PYROXD1: variants seen among roughly 807,000 people sequenced by gnomAD.
PYROXD1 encodes tRNA ligase complex-associated NAD(P)H dehydrogenase PYROXD1.
Under a neutral mutation model 62.0 loss-of-function variants are expected in PYROXD1, and 42 were observed. The observed-to-expected ratio is 0.68, with a 90% CI of 0.53 to 0.88. PYROXD1 has a LOEUF of 0.88. Among genes scored for constraint, PYROXD1 ranks in the 40% least tolerant of loss-of-function variants. The pLI, the probability that PYROXD1 is intolerant of heterozygous loss-of-function variation, is 0.00. For missense variants in PYROXD1, 493 were observed against 604.8 expected, an observed-to-expected ratio of 0.82 and a Z score of 1.94; for synonymous variants, 170 against 206.4, an observed-to-expected ratio of 0.82 and a Z score of 1.51.
At chr12:21,464,346 C>G (rs892701482) in intron 10 of PYROXD1, among the ~76,000 whole-genome samples, 4 of 151,842 alleles carry the variant, frequency 2.6e-5, no homozygotes, top group African/African-American at 9.7e-5. Flanking sequence ...ATTAGCTGTT[C>G]TCTAGTTGTT....
At chr12:21,438,535 A>G (rs1278339778) in intron 1 of PYROXD1, 1 of 152,184 alleles carries the variant, frequency 6.6e-6, no homozygotes, top group African/African-American at 2.4e-5. Flanking sequence ...AAAGAATCCC[A>G]TATGTAAGTT....
chr12:21,446,277 G>C (rs1416644364), intron 3 of PYROXD1, among the ~76,000 whole-genome samples: 1 of 151,770 alleles, frequency 6.6e-6, no homozygotes, highest in Non-Finnish European at 1.5e-5. Context: ...CAAAAAATTA[G>C]CCGGGTGTGG....
chr12:21,445,789 T>C (rs1383271120), intron 3 of PYROXD1, among the ~76,000 whole-genome samples: 1 of 152,144 alleles, frequency 6.6e-6, no homozygotes, highest in East Asian at 1.9e-4. Context: ...ACTGTCAGTG[T>C]CAAAGGGAAT....
In PYROXD1 at chr12:21,469,544, C is replaced by T. The variant is rs1220219263; in HGVS notation, c.*790C>T. 2.0e-5 allele frequency: 3 copies of T among 150,654 alleles called. No individual in the cohort carries two copies. Among genetic ancestry groups the T allele is most frequent in the African/African-American group, 4.9e-5 (2 of 40,932 alleles). 9.3% of individuals were successfully genotyped at this position (150,654 alleles called of 1,614,324 possible). ...GTGAACCTCTGTCAGTATAATATTGCTTTCAAAAAGATGGTTATGTCAAAA... is the reference window on the plus strand; with the variant it reads ...GTGAACCTCTGTCAGTATAATATTGTTTTCAAAAAGATGGTTATGTCAAAA... On this transcript the variant is annotated 3_prime_UTR_variant, in exon 12 of 12. Coordinates refer to ENST00000240651, the MANE Select transcript of PYROXD1 (RefSeq NM_024854.5).
chr12:21,451,953 G>T (rs1942506884), intron 4 of PYROXD1, 128 bp from the exon 5 acceptor site: 1 of 640,446 alleles, frequency 1.6e-6, no homozygotes, highest in East Asian at 3.2e-5. Context: ...GTGGGAAAGT[G>T]AGATTCATTT....
chr12:21,445,050 T>C (rs1490135648), intron 2 of PYROXD1, among the ~76,000 whole-genome samples: 1 of 152,182 alleles, frequency 6.6e-6, no homozygotes, highest in Non-Finnish European at 1.5e-5. Flanking sequence ...AATAAGCTGT[T>C]TGGCTAAACT....
At chr12:21,445,231 C>A in intron 2 of PYROXD1, 116 bp from the exon 3 acceptor site, 1 of 1,135,392 alleles carries the variant, frequency 8.8e-7, no homozygotes, top group Non-Finnish European at 1.2e-6. Flanking sequence ...AGTTGGCTAA[C>A]TTGTTTGTTT....
At position 21,437,748 on chromosome 12, in the gene PYROXD1, T is replaced by C; in HGVS notation, c.18T>C (p.Pro6=). ...CCGGCAGCATGGAGGCAGCGCGCCCTCCCCCGACGGCAGGGAAGTTCGTGG... is the reference window on the plus strand; with the variant it reads ...CCGGCAGCATGGAGGCAGCGCGCCCCCCCCCGACGGCAGGGAAGTTCGTGG... The part of the protein sequence containing the change: MEAAR[P]PPTAGKFVVV... Residue 6 remains proline (P), a synonymous_variant, in exon 1 of 12, where the codon CCT becomes CCC. Transcript: ENST00000240651. The C allele has an allele frequency of 6.2e-7, 1 of 1,612,270 alleles. No individual in the cohort carries two copies. Among genetic ancestry groups the C allele is most frequent in the Non-Finnish European group, 8.5e-7 (1 of 1,179,454 alleles).
At chr12:21,460,104 T>C (rs544043044) in intron 7 of PYROXD1, among the ~76,000 whole-genome samples, 4 of 152,298 alleles carry the variant, frequency 2.6e-5, no homozygotes, top group African/African-American at 9.6e-5. Flanking sequence ...CCTTCGTTAC[T>C]TTGTGTGATT....
chr12:21,449,577 A>C lies in PYROXD1; in HGVS notation c.300A>C (p.Glu100Asp), dbSNP rs1942453584. The C allele has an allele frequency of 6.2e-7, 1 of 1,612,786 alleles. No homozygotes were observed. Among genetic ancestry groups the C allele is most frequent in the African/African-American group, 1.3e-5 (1 of 74,882 alleles). Residue 100 changes from glutamate (E) to aspartate (D), a missense_variant, in exon 4 of 12, where the codon GAA becomes GAC. By Grantham distance (45) the Glu-to-Asp change is conservative. This residue lies in a region of PYROXD1 where 164 missense variants were observed against 158.2 expected (regional missense o/e 1.04). Transcript: ENST00000240651. ...LKSEEHCIVT[E>D]DGNQHVYKKL... Reference sequence around the variant, plus strand: ...TGTATTTACAGTGCATTGTAACAGAAGATGGCAATCAGCACGTATATAAGA... The same window carrying C: ...TGTATTTACAGTGCATTGTAACAGACGATGGCAATCAGCACGTATATAAGA...
intron 7 of PYROXD1, among the ~76,000 whole-genome samples, chr12:21,460,637 A>G (rs1048301341): frequency 2.6e-5 from 4 of 152,052 alleles, no homozygotes; most frequent in Non-Finnish European, 5.9e-5. Flanking sequence ...AGGCCAGGCT[A>G]GTCTTGAACT....
chr12:21,438,461 C>T (rs1942235562), intron 1 of PYROXD1: 1 of 152,176 alleles, frequency 6.6e-6, no homozygotes, highest in South Asian at 2.1e-4. Flanking sequence ...TGTTAATTAT[C>T]GTAGGTGATT....
At chr12:21,452,732 C>T (rs1942523742) in intron 5 of PYROXD1, among the ~76,000 whole-genome samples, 1 of 152,050 alleles carries the variant, frequency 6.6e-6, no homozygotes, top group African/African-American at 2.4e-5. Context: ...CCTGCTGTGT[C>T]CTGCAGAAGA....
At chr12:21,464,858 C>A (rs542717839) in intron 10 of PYROXD1, among the ~76,000 whole-genome samples, 2 of 152,168 alleles carry the variant, frequency 1.3e-5, no homozygotes, top group Non-Finnish European at 2.9e-5. Flanking sequence ...TGTGATGTTC[C>A]CCTTCCTGTG....
chr12:21,466,929 A>G (rs1942804897), intron 10 of PYROXD1, among the ~76,000 whole-genome samples: 1 of 152,156 alleles, frequency 6.6e-6, no homozygotes, highest in Non-Finnish European at 1.5e-5. Flanking sequence ...CTTCATAGAA[A>G]TAAAATAAAA....
chr12:21,457,206 A>C, intron 7 of PYROXD1: 1 of 211,558 alleles, frequency 4.7e-6, no homozygotes, highest in Non-Finnish European at 9.7e-6. Context: ...TTTTCAATGT[A>C]CTTTTCCCAG....
intron 7 of PYROXD1, among the ~76,000 whole-genome samples, chr12:21,458,839 A>G (rs1942645353): frequency 6.6e-6 from 1 of 152,220 alleles, no homozygotes; most frequent in Non-Finnish European, 1.5e-5. Flanking sequence ...CTAATCACAG[A>G]TCACCATAAA....
chr12:21,470,267 T>G lies in PYROXD1; in HGVS notation c.*1513T>G, dbSNP rs555780310. The G allele has an allele frequency of 1.7e-5, 28 of 1,610,180 alleles. 1 individual carries two copies. In the East Asian group the frequency reaches 4.9e-4, roughly 28 times the overall value. On this transcript the variant is annotated 3_prime_UTR_variant, in exon 12 of 12. Coordinates refer to ENST00000240651, the MANE Select transcript of PYROXD1 (RefSeq NM_024854.5). ...AGATTGCTGAAGCATGTTTGCAGCC[T>G]TCTTCTGGAAGTTGCCTGAATTTTT...
chr12:21,444,874 G>A (rs972917698), intron 2 of PYROXD1, among the ~76,000 whole-genome samples: 11 of 152,180 alleles, frequency 7.2e-5, no homozygotes, highest in Non-Finnish European at 1.3e-4. Flanking sequence ...AGGAAGTAAA[G>A]GATTTAGGGA....
Sources: gnomAD v4.1 joint callset for allele counts (sites outside exome capture counted in the v4.1 genomes callset) on GRCh38, gnomAD v4.1.1 for gene constraint, gnomAD v4.1.1 regional missense constraint, MANE v1.5 for transcripts, NCBI Gene and HGNC (gene_info 2026-07-23, HGNC 2026-07-21) for gene names.